The following MIA2 variants were observed in gnomAD, a reference collection of about 807,000 sequenced individuals.
MIA2 encodes the protein MIA SH3 domain ER export factor 2.
Under a neutral mutation model 167.8 loss-of-function variants are expected in MIA2, and 127 were observed. The observed-to-expected ratio is 0.76, with a 90% CI of 0.66 to 0.88. The LOEUF (loss-of-function observed/expected upper bound fraction) is 0.88. Among genes scored for constraint, MIA2 ranks in the 40% least tolerant of loss-of-function variants. The pLI, the probability that MIA2 is intolerant of heterozygous loss-of-function variation, is 0.00. For missense variants in MIA2, 1,690 were observed against 1,624.7 expected (o/e 1.04, Z -0.69); for synonymous variants, 552 against 541.9 (o/e 1.02, Z -0.26).
At chr14:39,328,407 C>G (rs1313430918) in intron 25 of MIA2, among the ~76,000 whole-genome samples, 2 of 152,130 alleles carry the variant, frequency 1.3e-5, no homozygotes, top group Non-Finnish European at 2.9e-5. Context: ...TTCTCCCATT[C>G]TGTAGGTTGC....
chr14:39,304,768 G>A (rs975313399), intron 17 of MIA2, among the ~76,000 whole-genome samples: 1 of 152,032 alleles, frequency 6.6e-6, no homozygotes, highest in Non-Finnish European at 1.5e-5. Flanking sequence ...AGTATGATTC[G>A]TTCCTTTAAT....
At position 39,319,297 on chromosome 14, in the gene MIA2, C is replaced by G; in HGVS notation, c.3367+6C>G. The G allele has an allele frequency of 8.1e-7, 1 of 1,237,706 alleles. No individual in the cohort carries two copies. Among genetic ancestry groups the G allele is most frequent in the Non-Finnish European group, 1.1e-6 (1 of 932,688 alleles). The allele number at this position is 1,237,706 out of a possible 1,614,324, so 76.7% of individuals were successfully genotyped here. ...AAATACAGCATTTGGCAGAGGTAGT[C>G]TTTTTTTTTTTACCCCTCATTTAAA... On this transcript the variant is annotated splice_donor_region_variant and intron_variant, in intron 23 of 28. Coordinates refer to ENST00000640607, the MANE Select transcript of MIA2 (RefSeq NM_001329214.4).
rs2060144519 is a variant in MIA2 at position 39,288,450 on chromosome 14, TATATA to T, written c.2131-2568_2131-2564del. Among the ~76,000 whole-genome samples, 49 of 25,448 alleles carry T rather than the reference TATATA, an allele frequency of 1.9e-3. 6 individuals carry two copies. Among genetic ancestry groups the T allele is most frequent in the East Asian group, 5.7e-3 (5 of 876 alleles). 16.7% of individuals were successfully genotyped at this position (25,448 alleles called of 152,430 possible). ...TATTATACATATATATATATATATA[TATATA>T]TATATATATATATATATATATTTTT... On this transcript the variant is annotated intron_variant, in intron 9 of 28. Coordinates refer to ENST00000640607, the MANE Select transcript of MIA2 (RefSeq NM_001329214.4).
At chr14:39,360,552 C>A (rs2074659296) in intron 23 of MIA2, among the ~76,000 whole-genome samples, 1 of 150,632 alleles carries the variant, frequency 6.6e-6, no homozygotes, top group African/African-American at 2.5e-5. Context: ...TTATATTAGT[C>A]CTTTGTTGAA....
At chr14:39,349,617 T>C (rs1392468592) in intron 28 of MIA2, among the ~76,000 whole-genome samples, 1 of 152,226 alleles carries the variant, frequency 6.6e-6, no homozygotes, top group African/African-American at 2.4e-5. Context: ...GTTTCTCTTC[T>C]CTTTTTAAAG....
At chr14:39,386,461 G>A in intron 23 of MIA2, 1 of 1,537,928 alleles carries the variant, frequency 6.5e-7, no homozygotes, top group East Asian at 2.3e-5. Context: ...ATCTCTGATT[G>A]GCCCAGTCTT....
chr14:39,385,007 A>G (rs1008292630), intron 23 of MIA2, among the ~76,000 whole-genome samples: 1 of 152,252 alleles, frequency 6.6e-6, no homozygotes, highest in Non-Finnish European at 1.5e-5. Flanking sequence ...AATTAGGTCA[A>G]GTAACATGCT....
At chr14:39,364,487 G>A (rs1004107144) in intron 23 of MIA2, among the ~76,000 whole-genome samples, 1 of 141,784 alleles carries the variant, frequency 7.1e-6, no homozygotes, top group East Asian at 2.1e-4. Context: ...AATCCTTTTT[G>A]TTCCTTATTT....
intron 25 of MIA2, among the ~76,000 whole-genome samples, chr14:39,327,984 C>T (rs770209282): frequency 2.6e-5 from 4 of 152,134 alleles, no homozygotes; most frequent in Non-Finnish European, 5.9e-5. Context: ...GGTATATACC[C>T]AGTAATGGGA....
At chr14:39,306,192 A>G (rs1377015691) in intron 17 of MIA2, among the ~76,000 whole-genome samples, 1 of 152,008 alleles carries the variant, frequency 6.6e-6, no homozygotes, top group Non-Finnish European at 1.5e-5. Context: ...ATGTTTAGGT[A>G]TTTATGTAAA....
At chr14:39,279,595 C>T in intron 9 of MIA2, 58 bp downstream of exon 9, 1 of 1,070,940 alleles carries the variant, frequency 9.3e-7, no homozygotes, top group Non-Finnish European at 1.4e-6. Flanking sequence ...ATACTTCTCA[C>T]TGTAGGTACT....
chr14:39,310,229 A>G (rs1397621406), intron 18 of MIA2, among the ~76,000 whole-genome samples: 3 of 152,164 alleles, frequency 2.0e-5, no homozygotes, highest in Non-Finnish European at 4.4e-5. Flanking sequence ...TTCAGCTCTC[A>G]TTCTGTAAAC....
chr14:39,323,944 C>T (rs1019678057), intron 24 of MIA2, among the ~76,000 whole-genome samples: 2 of 152,196 alleles, frequency 1.3e-5, no homozygotes, highest in South Asian at 2.1e-4. Context: ...TCGGGTCTTA[C>T]AGAGTTGATC....
chr14:39,255,647 G>A (rs1470352469), intron 6 of MIA2, among the ~76,000 whole-genome samples: 1 of 152,034 alleles, frequency 6.6e-6, no homozygotes, highest in Non-Finnish European at 1.5e-5. Flanking sequence ...TCTACTTTTT[G>A]GTATGTCTTG....
intron 3 of MIA2, among the ~76,000 whole-genome samples, chr14:39,244,107 G>A (rs551273802): frequency 6.6e-6 from 1 of 152,312 alleles, no homozygotes; most frequent in Non-Finnish European, 1.5e-5. Context: ...CCTGGAATGG[G>A]GGTCTTACGC....
intron 6 of MIA2, among the ~76,000 whole-genome samples, chr14:39,269,719 C>G (rs745784935): frequency 1.3e-5 from 2 of 152,044 alleles, no homozygotes; most frequent in Non-Finnish European, 2.9e-5. Context: ...CAGGGTTTCT[C>G]CATGTTACCC....
intron 6 of MIA2, among the ~76,000 whole-genome samples, chr14:39,271,070 T>A (rs559347056): frequency 4.1e-4 from 62 of 152,356 alleles, no homozygotes; most frequent in Non-Finnish European, 7.1e-4. Flanking sequence ...CAGTTATGCT[T>A]CCTTCTAAGA....
rs1478906321 is a variant in MIA2 at position 39,276,918 on chromosome 14, T to C, written c.1888-16T>C. 1.2e-6 allele frequency: 2 copies of C among 1,604,642 alleles called. No individual in the cohort carries two copies. Among genetic ancestry groups the C allele is most frequent in the Admixed American group, 1.8e-5 (1 of 56,610 alleles). On this transcript the variant is annotated splice_polypyrimidine_tract_variant and intron_variant, in intron 6 of 28. Coordinates refer to ENST00000640607, the MANE Select transcript of MIA2 (RefSeq NM_001329214.4). ...AAAAGTACATTTTTAAGAACTTACT[T>C]TTCTTTATCTTGAAGGTTGTGGCAG...
chr14:39,317,962 G>A lies in MIA2; in HGVS notation c.3235G>A (p.Glu1079Lys). Residue 1079 changes from glutamate (E) to lysine (K), a missense_variant, in exon 22 of 29, where the codon GAA becomes AAA. Glu to Lys is a moderately conservative substitution (Grantham distance 56). Transcript: ENST00000640607. ...CTTCAAGTTGGCAGCTCGGAATGCT[G>A]AAAGAAACCTCAATGATTTAAGGAA... ...HDNWLAARNAERNLNDLRKEN... is the reference protein window; with the variant it reads ...HDNWLAARNAKRNLNDLRKEN... 6.3e-7 allele frequency: 1 copy of A among 1,582,568 alleles called. No individual in the cohort carries two copies. The highest frequency in any genetic ancestry group is 8.6e-7 in the Non-Finnish European group (1 of 1,167,726).
Sources: allele counts gnomAD v4.1 joint callset (sites outside exome capture counted in the v4.1 genomes callset), GRCh38; gene constraint gnomAD v4.1.1; transcripts MANE v1.5; gene names NCBI Gene and HGNC (gene_info 2026-07-23, HGNC 2026-07-21).